ZNF783: variants seen among roughly 807,000 people sequenced by gnomAD.
ZNF783 encodes zinc finger protein 783, also known as protein ZNF783.
ZNF783 carries 25 observed loss-of-function variants against 31.3 expected under a neutral mutation model. That is an observed-to-expected ratio of 0.80 (90% CI 0.58 to 1.11). ZNF783 has a LOEUF of 1.11. Among genes scored for constraint, ZNF783 ranks in the 50% most tolerant of loss-of-function variants. ZNF783 has a pLI of 0.00. For synonymous variants in ZNF783, 369 were observed against 319.1 expected (o/e 1.16, Z -1.66); for missense variants, 797 against 760.0 (o/e 1.05, Z -0.57).
chr7:149,280,151 C>T (rs533998297), intron 5 of ZNF783, among the ~76,000 whole-genome samples: 1 of 144,634 alleles, frequency 6.9e-6, no homozygotes, highest in South Asian at 2.3e-4. Context: ...GGGGGGCTGA[C>T]CCCCCCACCT....
At chr7:149,274,271 T>G (rs563447186) in intron 4 of ZNF783, among the ~76,000 whole-genome samples, 15 of 152,334 alleles carry the variant, frequency 9.8e-5, no homozygotes, top group Non-Finnish European at 1.9e-4. Context: ...GAGTTTAGTT[T>G]TATTTTTCTG....
rs186513957 is a variant in ZNF783 at position 149,274,193 on chromosome 7, T to C, written c.674-4206T>C. Among the ~76,000 whole-genome samples the C allele has an allele frequency of 7.9e-5, 12 of 152,334 alleles. No individual in the cohort carries two copies. In the East Asian group the frequency reaches 2.3e-3, roughly 29 times the overall value. On this transcript the variant is annotated intron_variant, in intron 4 of 5. Coordinates refer to ENST00000434415, the MANE Select transcript of ZNF783 (RefSeq NM_001195220.2). ...CCAATGTTTTCTTGTAGTAGTTTGA[T>C]AGTTCGAGGTCTTATATTTAAGTTT... is the stretch of plus-strand genomic sequence containing the variant.
rs1797502793 is a variant in ZNF783, at chr7:149,282,504, GT to G, written c.*164del. 1 of 658,374 alleles carries G rather than the reference GT, an allele frequency of 1.5e-6. No individual in the cohort carries two copies. The highest frequency in any genetic ancestry group is 2.5e-6 in the Non-Finnish European group (1 of 404,648). The allele number at this position is 658,374 out of a possible 1,614,324, so 40.8% of individuals were successfully genotyped here. On this transcript the variant is annotated 3_prime_UTR_variant, in exon 6 of 6. Coordinates refer to ENST00000434415, the MANE Select transcript of ZNF783 (RefSeq NM_001195220.2). ...CATTGTGTGTGACCGGGTGCTTTCT[GT>G]TTCCTGTTTGCACTCTTCGCTGCCT...
In ZNF783 at chr7:149,282,452, A is replaced by T. The variant is rs189504254; in HGVS notation, c.*109A>T. ...AGGTTTGTTGTTTTTACCCATTCAA[A>T]TGGGAAGCTAGCTGCCCTTCTGGTG... On this transcript the variant is annotated 3_prime_UTR_variant, in exon 6 of 6. Coordinates refer to ENST00000434415, the MANE Select transcript of ZNF783 (RefSeq NM_001195220.2). The T allele has an allele frequency of 1.6e-5, 16 of 1,005,690 alleles. No homozygotes were observed. Among genetic ancestry groups the T allele is most frequent in the Non-Finnish European group, 2.0e-5 (14 of 715,250 alleles). 62.3% of individuals were successfully genotyped at this position (1,005,690 alleles called of 1,614,324 possible).
At position 149,281,722 on chromosome 7, in the gene ZNF783, C is replaced by T. The variant is rs1223621623; in HGVS notation, c.1020C>T (p.Val340=). Residue 340 remains valine, a synonymous_variant, in exon 6 of 6, where the codon GTC becomes GTT. Transcript: ENST00000434415. ...PPGASGETPR[V]LSRRRQRAFP... ...GGGCCAGTGGGGAGACGCCCCGAGT[C>T]CTCTCCCGCAGGCGGCAGCGGGCAT... The T allele has an allele frequency of 8.8e-6, 13 of 1,484,668 alleles. No individual in the cohort carries two copies. Among genetic ancestry groups the T allele is most frequent in the Non-Finnish European group, 1.2e-5 (13 of 1,126,880 alleles). The allele number at this position is 1,484,668 out of a possible 1,614,324, so 92.0% of individuals were successfully genotyped here. A position where few individuals can be genotyped will look rare whatever the true frequency, so the allele number is the denominator to read the frequency against.
intron 4 of ZNF783, among the ~76,000 whole-genome samples, chr7:149,268,195 A>C (rs550966536): frequency 2.0e-5 from 3 of 152,200 alleles, no homozygotes; most frequent in Non-Finnish European, 2.9e-5. Flanking sequence ...CTTTTCCTGA[A>C]CAATGACCAC....
intron 5 of ZNF783, 36 bp downstream of exon 5, chr7:149,278,563 G>C: frequency 6.3e-7 from 1 of 1,598,234 alleles, no homozygotes; most frequent in South Asian, 1.1e-5. Context: ...GATGAACAGT[G>C]TCCCGAGGCA....
intron 4 of ZNF783, among the ~76,000 whole-genome samples, chr7:149,268,287 G>T (rs376421419): frequency 6.6e-6 from 1 of 151,736 alleles, no homozygotes; most frequent in South Asian, 2.1e-4. Context: ...TTCCCTAGTT[G>T]TCTCAAAAAT....
At chr7:149,272,575 T>G (rs1797231705) in intron 4 of ZNF783, among the ~76,000 whole-genome samples, 1 of 152,078 alleles carries the variant, frequency 6.6e-6, no homozygotes, top group African/African-American at 2.4e-5. Flanking sequence ...TTTTTTTCCT[T>G]TAGAACTCTT....
At chr7:149,278,372 T>G (rs1356510449) in intron 4 of ZNF783, 27 bp from the exon 5 acceptor site, 1 of 1,598,630 alleles carries the variant, frequency 6.3e-7, no homozygotes, top group East Asian at 2.2e-5. Context: ...CATGTTGTGC[T>G]CAATGTCACT....
intron 5 of ZNF783, among the ~76,000 whole-genome samples, chr7:149,280,608 A>G (rs1284459101): frequency 6.6e-6 from 1 of 152,200 alleles, no homozygotes; most frequent in African/African-American, 2.4e-5. Flanking sequence ...CCCAGGCATC[A>G]GATCCCAGGC....
intron 1 of ZNF783, among the ~76,000 whole-genome samples, chr7:149,263,324 ATTTT>A (rs1210367064): frequency 9.2e-6 from 1 of 108,286 alleles, no homozygotes; most frequent in African/African-American, 3.5e-5. Context: ...ATATATATAT[ATTTT>A]TTTTTTAGAC....
chr7:149,276,642 C>A, intron 4 of ZNF783: 1 of 851,428 alleles, frequency 1.2e-6, no homozygotes, highest in Non-Finnish European at 1.4e-6. Context: ...CAGGACCCCA[C>A]TTGGGTTACT....
chr7:149,262,202 C>A lies in ZNF783; in HGVS notation c.-132C>A. 2.5e-6 allele frequency: 2 copies of A among 787,864 alleles called. No individual in the cohort carries two copies. The highest frequency in any genetic ancestry group is 1.7e-6 in the Non-Finnish European group (1 of 579,158). The allele number at this position is 787,864 out of a possible 1,614,324, so 48.8% of individuals were successfully genotyped here. A position where few individuals can be genotyped will look rare whatever the true frequency, so the allele number is the denominator to read the frequency against. On this transcript the variant is annotated 5_prime_UTR_variant, in exon 1 of 6. Transcript: ENST00000434415. ...CCAGCGGGGCACGTGGCTCGGGACGCAGTTCGCTGCCGCCCGGCAGTAGCT... is the reference window on the plus strand; with the variant it reads ...CCAGCGGGGCACGTGGCTCGGGACGAAGTTCGCTGCCGCCCGGCAGTAGCT...
intron 5 of ZNF783, among the ~76,000 whole-genome samples, chr7:149,280,929 A>G (rs925995948): frequency 6.6e-6 from 1 of 152,188 alleles, no homozygotes; most frequent in African/African-American, 2.4e-5. Context: ...CCAGGCAGGA[A>G]TCTCAGGTCC....
In ZNF783 at chr7:149,283,131, C is replaced by T. The variant is rs34760947; in HGVS notation, c.*788C>T. Reference sequence around the variant, plus strand: ...GATTACAGGCGCCCACCACCACTCCCGGCTAATTTTTGTATTTTTAGTAGA... The same window carrying T: ...GATTACAGGCGCCCACCACCACTCCTGGCTAATTTTTGTATTTTTAGTAGA... On this transcript the variant is annotated 3_prime_UTR_variant, in exon 6 of 6. Transcript: ENST00000434415. The T allele has an allele frequency of 0.12, 18,595 of 151,946 alleles. 1,366 individuals carry two copies. The highest frequency in any genetic ancestry group is 0.22 in the East Asian group (1,141 of 5,144). 9.4% of individuals were successfully genotyped at this position (151,946 alleles called of 1,614,324 possible).
In ZNF783 at chr7:149,282,413, C is replaced by A; in HGVS notation, c.*70C>A. 1 of 1,285,328 alleles carries A rather than the reference C, an allele frequency of 7.8e-7. No individual in the cohort carries two copies. Among genetic ancestry groups the A allele is most frequent in the South Asian group, 1.6e-5 (1 of 63,864 alleles). 79.6% of individuals were successfully genotyped at this position (1,285,328 alleles called of 1,614,324 possible). A position where few individuals can be genotyped will look rare whatever the true frequency, so the allele number is the denominator to read the frequency against. ...GTGCCTGACGCAGGTTCTTCCTTTTCCTGGGATGGAGAGAGGTTTGTTGTT... is the reference window on the plus strand; with the variant it reads ...GTGCCTGACGCAGGTTCTTCCTTTTACTGGGATGGAGAGAGGTTTGTTGTT... On this transcript the variant is annotated 3_prime_UTR_variant, in exon 6 of 6. Transcript: ENST00000434415.
intron 4 of ZNF783, among the ~76,000 whole-genome samples, chr7:149,269,598 A>G (rs1040470697): frequency 8.5e-5 from 13 of 152,202 alleles, no homozygotes; most frequent in African/African-American, 2.2e-4. Context: ...CTTTTTGCAT[A>G]TGGTGAAAGG....
In ZNF783 at chr7:149,281,759, G is replaced by T; in HGVS notation, c.1057G>T (p.Asp353Tyr). Residue 353 changes from aspartate (D) to tyrosine (Y), a missense_variant, in exon 6 of 6, where the codon GAC (aspartate) becomes TAC (tyrosine). Asp to Tyr is a radical substitution (Grantham distance 160). Coordinates refer to ENST00000434415, the MANE Select transcript of ZNF783 (RefSeq NM_001195220.2). ...RRRQRAFPCP[D>Y]CGQSFRLKIN... ...GCGGCAGCGGGCATTCCCCTGCCCCGACTGCGGGCAGAGCTTCCGCCTGAA... is the reference window on the plus strand; with the variant it reads ...GCGGCAGCGGGCATTCCCCTGCCCCTACTGCGGGCAGAGCTTCCGCCTGAA... 13 of 1,494,012 alleles carry T rather than the reference G, an allele frequency of 8.7e-6. No individual in the cohort carries two copies. Among genetic ancestry groups the T allele is most frequent in the Admixed American group, 2.3e-5 (1 of 42,742 alleles). The allele number at this position is 1,494,012 out of a possible 1,614,324, so 92.5% of individuals were successfully genotyped here.
Sources: allele counts gnomAD v4.1 joint callset (sites outside exome capture counted in the v4.1 genomes callset), GRCh38; gene constraint gnomAD v4.1.1; transcripts MANE v1.5; gene names NCBI Gene and HGNC (gene_info 2026-07-23, HGNC 2026-07-21).